Variants in SGPP2 observed in about 807,000 individuals in gnomAD.
SGPP2 encodes sphingosine-1-phosphate phosphatase 2.
A neutral mutation model predicts 33.9 loss-of-function variants in SGPP2; 30 were observed. The ratio of observed to expected loss-of-function variants is 0.89; its 90% CI spans 0.66 to 1.20. SGPP2 has a LOEUF of 1.20. Ranked by LOEUF, SGPP2 falls within the 50% of genes most tolerant of loss-of-function variation. The pLI is 0.00. For missense variants in SGPP2, 458 were observed against 532.1 expected (o/e 0.86, Z 1.37); for synonymous variants, 233 against 225.0 (o/e 1.04, Z -0.32).
Position 222,465,349 on chromosome 2 carries a change from C to G in SGPP2, c.220-9219C>G, listed in dbSNP as rs979035026. Among the ~76,000 whole-genome samples the G allele has an allele frequency of 1.3e-5, 2 of 152,140 alleles. No individual in the cohort carries two copies. Among genetic ancestry groups the G allele is most frequent in the Non-Finnish European group, 2.9e-5 (2 of 68,014 alleles). ...CTTCTGTTTTCTCCTTCAAGGGACA[C>G]TGTCAGTCTTTCTTAGGCTTCCTGA... On this transcript the variant is annotated intron_variant, in intron 1 of 4. Coordinates refer to ENST00000321276, the MANE Select transcript of SGPP2 (RefSeq NM_152386.4). This position sits in a 1 kb window ranked among gnomAD's most constrained non-coding sequence, Gnocchi z 4.1.
intron 1 of SGPP2, among the ~76,000 whole-genome samples, chr2:222,427,878 C>T (rs1197440508): frequency 6.6e-6 from 1 of 152,228 alleles, no homozygotes; most frequent in Non-Finnish European, 1.5e-5. Context: ...TTAACTGCAT[C>T]TTTTACAAAC....
At chr2:222,491,363 G>GA (rs1370580360) in intron 2 of SGPP2, among the ~76,000 whole-genome samples, 1 of 152,136 alleles carries the variant, frequency 6.6e-6, no homozygotes, top group Non-Finnish European at 1.5e-5. Context: ...TACTACCTGA[G>GA]GCTGGGTGAT....
At chr2:222,449,487 T>TTTTG (rs1697450476) in intron 1 of SGPP2, among the ~76,000 whole-genome samples, 1 of 151,538 alleles carries the variant, frequency 6.6e-6, no homozygotes, top group Non-Finnish European at 1.5e-5. Context: ...TTTTTTTTTT[T>TTTTG]GAGACGGAGT....
chr2:222,545,677 C>T (rs1284217775), intron 4 of SGPP2, among the ~76,000 whole-genome samples: 1 of 152,146 alleles, frequency 6.6e-6, no homozygotes, highest in African/African-American at 2.4e-5. Flanking sequence ...ATCATTGCAA[C>T]CCTACCTCCC....
chr2:222,452,712 T>G, intron 1 of SGPP2: 1 of 1,378,814 alleles, frequency 7.3e-7, no homozygotes, highest in East Asian at 2.3e-5. Flanking sequence ...GCTCCAGGTC[T>G]GGTTGCTCCA....
At chr2:222,486,689 G>A (rs1698114928) in intron 2 of SGPP2, among the ~76,000 whole-genome samples, 1 of 152,162 alleles carries the variant, frequency 6.6e-6, no homozygotes, top group African/African-American at 2.4e-5. Flanking sequence ...CATTTTAAGG[G>A]GAGGAAACCA....
intron 3 of SGPP2, 33 bp from the exon 4 acceptor site, chr2:222,524,911 C>T: frequency 6.5e-7 from 1 of 1,537,946 alleles, no homozygotes; most frequent in Non-Finnish European, 9.0e-7. Context: ...TGAGTGTGAT[C>T]TAATTCCCTT....
intron 2 of SGPP2, among the ~76,000 whole-genome samples, chr2:222,493,258 C>T (rs375834221): frequency 6.6e-6 from 1 of 152,036 alleles, no homozygotes; most frequent in Non-Finnish European, 1.5e-5. Context: ...CTGGGAAGGC[C>T]CCAGGAAACT....
At chr2:222,522,058 A>C in intron 3 of SGPP2, 112 bp downstream of exon 3, 2 of 985,156 alleles carry the variant, frequency 2.0e-6, no homozygotes, top group Non-Finnish European at 2.9e-6. Context: ...TTATGAAATA[A>C]AGATTAAGAG....
At chr2:222,548,474 C>T (rs538365393) in intron 4 of SGPP2, among the ~76,000 whole-genome samples, 3 of 152,204 alleles carry the variant, frequency 2.0e-5, no homozygotes, top group African/African-American at 7.2e-5. Flanking sequence ...AAAGTCTTCT[C>T]TTTCCACACC....
intron 1 of SGPP2, among the ~76,000 whole-genome samples, chr2:222,433,868 T>C (rs903085173): frequency 1.3e-5 from 2 of 152,256 alleles, no homozygotes; most frequent in Non-Finnish European, 2.9e-5. Context: ...GTATTTCAAT[T>C]ACTATGTTTT....
intron 1 of SGPP2, among the ~76,000 whole-genome samples, chr2:222,457,487 G>A (rs1386767953): frequency 6.6e-6 from 1 of 152,234 alleles, no homozygotes; most frequent in African/African-American, 2.4e-5. Context: ...GAGCTTTTAA[G>A]GTAAACACAA....
At chr2:222,456,999 TC>T (rs1697583183) in intron 1 of SGPP2, among the ~76,000 whole-genome samples, 1 of 151,554 alleles carries the variant, frequency 6.6e-6, no homozygotes, top group Non-Finnish European at 1.5e-5. Flanking sequence ...AGCCCTACCC[TC>T]CCCAAGTTCC....
At chr2:222,435,428 T>C (rs914100715) in intron 1 of SGPP2, among the ~76,000 whole-genome samples, 1 of 152,290 alleles carries the variant, frequency 6.6e-6, no homozygotes, top group Middle Eastern at 3.4e-3. Context: ...CCAGGATCAA[T>C]ACTTTGTATC....
intron 2 of SGPP2, among the ~76,000 whole-genome samples, chr2:222,515,382 G>T (rs201851160): frequency 1.3e-5 from 2 of 152,050 alleles, no homozygotes; most frequent in African/African-American, 2.4e-5. Context: ...AGGCTGGAGC[G>T]CAGTGGCATG....
chr2:222,499,598 GTTGGGGGAAACACAAGTTGGGGCA>G (rs939360951), intron 2 of SGPP2, among the ~76,000 whole-genome samples: 32 of 151,832 alleles, frequency 2.1e-4, no homozygotes, highest in Admixed American at 1.6e-3. Context: ...AAGAGGACGT[GTTGGGGGAAACACAAGTTGGGGCA>G]TTGGGGGAAA....
chr2:222,508,492 A>C lies in SGPP2; in HGVS notation c.379-13275A>C, dbSNP rs140616852. ...CATTGAAATAGATAATGTCTGTGAA[A>C]GTATACACTAAAAACAATCATTGCA... On this transcript the variant is annotated intron_variant, in intron 2 of 4. Coordinates refer to ENST00000321276, the MANE Select transcript of SGPP2 (RefSeq NM_152386.4). Among the ~76,000 whole-genome samples the C allele has an allele frequency of 3.8e-3, 582 of 152,352 alleles. 1 individual carries two copies. The highest frequency in any genetic ancestry group is 0.013 in the African/African-American group (541 of 41,578).
intron 2 of SGPP2, among the ~76,000 whole-genome samples, chr2:222,479,560 G>A (rs1475102640): frequency 5.3e-5 from 8 of 151,122 alleles, no homozygotes; most frequent in African/African-American, 1.5e-4. Context: ...CCACCCCCAC[G>A]CCCGGCTAAT....
chr2:222,454,852 C>G (rs1423145841), intron 1 of SGPP2, among the ~76,000 whole-genome samples: 3 of 151,970 alleles, frequency 2.0e-5, no homozygotes, highest in Non-Finnish European at 4.4e-5. Context: ...ATTAAGAACC[C>G]GTAGATGGCT....
Sources: gnomAD v4.1 joint callset for allele counts (sites outside exome capture counted in the v4.1 genomes callset) on GRCh38, gnomAD v4.1.1 for gene constraint, Gnocchi (gnomAD v3.1) non-coding constraint, MANE v1.5 for transcripts, NCBI Gene and HGNC (gene_info 2026-07-23, HGNC 2026-07-21) for gene names.